RBM6: variants seen among roughly 807,000 people sequenced by gnomAD.
The protein encoded by RBM6 is RNA binding motif protein 6.
Under a neutral mutation model 140.4 loss-of-function variants are expected in RBM6, and 23 were observed. The observed-to-expected ratio is 0.16, with a 90% CI of 0.12 to 0.23. RBM6 has a LOEUF of 0.23. RBM6 is among the 10% of genes least tolerant of loss of function. The pLI is 1.00. For synonymous variants in RBM6, 439 were observed against 475.6 expected (o/e 0.92, Z 1.00); for missense variants, 1,139 against 1,386.7 (o/e 0.82, Z 2.84).
At chr3:50,049,486 A>G (rs760568003) in intron 7 of RBM6, among the ~76,000 whole-genome samples, 1 of 152,206 alleles carries the variant, frequency 6.6e-6, no homozygotes, top group Non-Finnish European at 1.5e-5. Flanking sequence ...ACTACTTAGT[A>G]TCAAAAATAA....
At position 50,060,923 on chromosome 3, in the gene RBM6, C is replaced by T. The variant is rs115868404; in HGVS notation, c.2229-33C>T. On this transcript the variant is annotated intron_variant, in intron 11 of 20. Transcript: ENST00000266022. ...GTACTCGTCAAATGCCACTTGGTAGCAGCCTTAAGAATTGTTGTGTTATCT... is the reference window on the plus strand; with the variant it reads ...GTACTCGTCAAATGCCACTTGGTAGTAGCCTTAAGAATTGTTGTGTTATCT... The T allele has an allele frequency of 4.3e-4, 655 of 1,527,670 alleles. 5 individuals are homozygous for T. In the African/African-American group the frequency reaches 7.8e-3, roughly 18 times the overall value. 94.6% of individuals were successfully genotyped at this position (1,527,670 alleles called of 1,614,324 possible).
At chr3:50,058,680 C>T (rs1315999644) in intron 10 of RBM6, 118 bp downstream of exon 10, 40 of 1,034,826 alleles carry the variant, frequency 3.9e-5, no homozygotes, top group Non-Finnish European at 5.2e-5. Flanking sequence ...TTTGGGAGGC[C>T]GAGGTGGGTG....
intron 11 of RBM6, among the ~76,000 whole-genome samples, chr3:50,059,953 G>A (rs1304250825): frequency 2.0e-5 from 3 of 152,104 alleles, no homozygotes; most frequent in Non-Finnish European, 4.4e-5. Flanking sequence ...AGGTACTTTT[G>A]TCCTTTCCCT....
At chr3:49,953,953 G>A (rs536146910) in intron 1 of RBM6, among the ~76,000 whole-genome samples, 2 of 152,062 alleles carry the variant, frequency 1.3e-5, no homozygotes, top group African/African-American at 4.8e-5. Context: ...GCAACATAAC[G>A]AAACCCTAGG....
chr3:49,954,637 C>T (rs557968581), intron 1 of RBM6, among the ~76,000 whole-genome samples: 15 of 152,032 alleles, frequency 9.9e-5, no homozygotes, highest in African/African-American at 2.6e-4. Context: ...TATGTCAGTG[C>T]CACACTGTCT....
chr3:49,986,259 G>A (rs1219091445), intron 5 of RBM6, among the ~76,000 whole-genome samples: 1 of 150,502 alleles, frequency 6.6e-6, no homozygotes, highest in African/African-American at 2.4e-5. Context: ...CTCCCAAAGT[G>A]CTGGGATTAC....
rs2084561570 is a variant in RBM6 at position 49,967,513 on chromosome 3, T to C, written c.88T>C (p.Tyr30His). ...GTTTGCTCCCGGGTGGAACAGGGATTATCCTCCTCCTCCCCTTAAGAGTCA... is the reference window on the plus strand; with the variant it reads ...GTTTGCTCCCGGGTGGAACAGGGATCATCCTCCTCCTCCCCTTAAGAGTCA... The part of the protein sequence containing the change: ...ERFAPGWNRD[Y>H]PPPPLKSHAQ... The change falls in exon 3 of 21, where the codon TAT becomes CAT. Residue 30 changes from tyrosine to histidine, a missense_variant. Around this residue, in one of 9 missense-constraint regions of RBM6, gnomAD observed 566 missense variants for 612.7 expected, o/e 0.92. Coordinates refer to ENST00000266022, the MANE Select transcript of RBM6 (RefSeq NM_005777.3). This position sits in a 1 kb window ranked among gnomAD's most constrained non-coding sequence, Gnocchi z 4.0. 6.2e-7 allele frequency: 1 copy of C among 1,613,992 alleles called. No individual in the cohort carries two copies.
chr3:49,966,756 C>G (rs922043483), intron 2 of RBM6, among the ~76,000 whole-genome samples: 1 of 151,858 alleles, frequency 6.6e-6, no homozygotes, highest in Non-Finnish European at 1.5e-5. Flanking sequence ...TGGCATGATT[C>G]ATACTACCTT....
At chr3:49,985,581 C>T (rs1343393868) in intron 5 of RBM6, among the ~76,000 whole-genome samples, 1 of 152,118 alleles carries the variant, frequency 6.6e-6, no homozygotes, top group African/African-American at 2.4e-5. Context: ...TGTATGTATT[C>T]ACTCTTTTAA....
chr3:49,968,672 G>T lies in RBM6; in HGVS notation c.1247G>T (p.Ser416Ile). The change falls in exon 3 of 21, where the codon AGC (serine) becomes ATC (isoleucine). Residue 416 changes from serine (S) to isoleucine (I), a missense_variant. By Grantham distance (142) the Ser-to-Ile change is moderately radical. This residue lies in a region of RBM6 where 566 missense variants were observed against 612.7 expected (regional missense o/e 0.92). Transcript: ENST00000266022. ...YRDVDHRLPG[S>I]QMFGYGQSKS... is the part of the protein sequence containing the mutation. Reference sequence around the variant, plus strand: ...GATGTGGATCATAGGCTGCCAGGAAGCCAGATGTTTGGCTATGGCCAGAGC... The same window carrying T: ...GATGTGGATCATAGGCTGCCAGGAATCCAGATGTTTGGCTATGGCCAGAGC... The T allele has an allele frequency of 6.2e-7, 1 of 1,612,472 alleles. No homozygotes were observed. Among genetic ancestry groups the T allele is most frequent in the South Asian group, 1.1e-5 (1 of 91,034 alleles).
At chr3:50,029,101 A>C (rs554758302) in intron 6 of RBM6, among the ~76,000 whole-genome samples, 23 of 152,308 alleles carry the variant, frequency 1.5e-4, no homozygotes, top group African/African-American at 5.5e-4. Flanking sequence ...GGAAGGTACA[A>C]GGTAGGTCAG....
chr3:50,034,704 T>G (rs1044632907), intron 6 of RBM6, among the ~76,000 whole-genome samples: 14 of 151,656 alleles, frequency 9.2e-5, no homozygotes, highest in Non-Finnish European at 2.1e-4. Context: ...GAAGTTGCAG[T>G]GAGCCGAGAT....
At chr3:49,972,825 G>A (rs1186328268) in intron 4 of RBM6, among the ~76,000 whole-genome samples, 6 of 152,146 alleles carry the variant, frequency 3.9e-5, no homozygotes, top group Non-Finnish European at 7.4e-5. Context: ...TACAGGCGGG[G>A]CATGGTAGCT....
intron 1 of RBM6, among the ~76,000 whole-genome samples, chr3:49,958,948 A>G (rs1429936402): frequency 6.6e-6 from 1 of 151,744 alleles, no homozygotes; most frequent in African/African-American, 2.4e-5. Context: ...GGTGCCTGCT[A>G]CTGCACCTGG....
chr3:50,015,650 T>G (rs1300908681), intron 6 of RBM6, among the ~76,000 whole-genome samples: 7 of 151,634 alleles, frequency 4.6e-5, no homozygotes, highest in Non-Finnish European at 2.9e-5. Flanking sequence ...GCCAGGATGG[T>G]CTCCATCTCC....
At chr3:50,039,388 C>G (rs1006577151) in intron 6 of RBM6, among the ~76,000 whole-genome samples, 3 of 152,054 alleles carry the variant, frequency 2.0e-5, no homozygotes, top group African/African-American at 7.2e-5. Flanking sequence ...TAGAAGCGCC[C>G]ATTACCACAC....
At chr3:50,014,765 G>A (rs934941236) in intron 6 of RBM6, among the ~76,000 whole-genome samples, 2 of 152,138 alleles carry the variant, frequency 1.3e-5, no homozygotes, top group African/African-American at 4.8e-5. Flanking sequence ...GGGCTGTTGG[G>A]AATCACATTG....
chr3:50,034,705 G>A lies in RBM6; in HGVS notation c.1558-13540G>A, dbSNP rs975450464. ...GAACCCGGGAGGCGGAAGTTGCAGT[G>A]AGCCGAGATCACAACACTGCACTCC... On this transcript the variant is annotated intron_variant, in intron 6 of 20. Coordinates refer to ENST00000266022, the MANE Select transcript of RBM6 (RefSeq NM_005777.3). Among the ~76,000 whole-genome samples, 7 of 151,726 alleles carry A rather than the reference G, an allele frequency of 4.6e-5. 1 individual carries two copies. Among genetic ancestry groups the A allele is most frequent in the African/African-American group, 1.7e-4 (7 of 41,346 alleles).
Position 50,026,890 on chromosome 3 carries a change from C to G in RBM6, c.1558-21355C>G, listed in dbSNP as rs192707401. Among the ~76,000 whole-genome samples, 8 of 140,066 alleles carry G rather than the reference C, an allele frequency of 5.7e-5. No homozygotes were observed. The East Asian group carries it at 1.2e-3, about 21-fold the overall frequency. The allele number at this position is 140,066 out of a possible 152,430, so 91.9% of individuals were successfully genotyped here. Reference sequence around the variant, plus strand: ...CTCCAGCCTGGGTGACAGAGTGAGACCTTGTCTCACCAAAAAAAAAAAAAA... The same window carrying G: ...CTCCAGCCTGGGTGACAGAGTGAGAGCTTGTCTCACCAAAAAAAAAAAAAA... On this transcript the variant is annotated intron_variant, in intron 6 of 20. Coordinates refer to ENST00000266022, the MANE Select transcript of RBM6 (RefSeq NM_005777.3).
Sources: allele counts gnomAD v4.1 joint callset (sites outside exome capture counted in the v4.1 genomes callset), GRCh38; gene constraint gnomAD v4.1.1; regional missense constraint gnomAD v4.1.1; non-coding constraint Gnocchi (gnomAD v3.1); transcripts MANE v1.5; gene names NCBI Gene and HGNC (gene_info 2026-07-23, HGNC 2026-07-21).